PTPRR: variants seen among roughly 807,000 people sequenced by gnomAD.
PTPRR encodes the protein receptor-type tyrosine-protein phosphatase R.
A neutral mutation model predicts 77.2 loss-of-function variants in PTPRR; 38 were observed. The observed-to-expected ratio is 0.49, with a 90% CI of 0.38 to 0.65. PTPRR has a LOEUF of 0.65. Ranked by LOEUF, PTPRR falls within the 30% of genes least tolerant of loss-of-function variation. The pLI, the probability that PTPRR is intolerant of heterozygous loss-of-function variation, is 0.00. For missense variants in PTPRR, 744 were observed against 799.2 expected (o/e 0.93, Z 0.83); for synonymous variants, 299 against 283.1 (o/e 1.06, Z -0.57).
At chr12:70,914,263 C>T (rs562514224) in intron 1 of PTPRR, among the ~76,000 whole-genome samples, 11 of 152,238 alleles carry the variant, frequency 7.2e-5, no homozygotes, top group Middle Eastern at 3.4e-3. Flanking sequence ...AAGACCTCAT[C>T]GCAAAAGACT....
At chr12:70,889,623 C>T (rs995814377) in intron 2 of PTPRR, among the ~76,000 whole-genome samples, 3 of 152,150 alleles carry the variant, frequency 2.0e-5, no homozygotes, top group African/African-American at 7.2e-5. Flanking sequence ...TCTAGGATCT[C>T]AAGGAGAGGA....
intron 2 of PTPRR, among the ~76,000 whole-genome samples, chr12:70,825,208 G>A (rs1401492001): frequency 1.3e-5 from 2 of 152,182 alleles, no homozygotes; most frequent in African/African-American, 4.8e-5. Flanking sequence ...AACCCAGGAG[G>A]TGGAGGTTGC....
chr12:70,807,846 A>T (rs1397541759), intron 2 of PTPRR, among the ~76,000 whole-genome samples: 1 of 152,294 alleles, frequency 6.6e-6, no homozygotes, highest in East Asian at 1.9e-4. Context: ...CTCTGTGATG[A>T]TTGCGTTAAC....
At chr12:70,864,209 G>C (rs1892802169) in intron 2 of PTPRR, among the ~76,000 whole-genome samples, 1 of 152,142 alleles carries the variant, frequency 6.6e-6, no homozygotes, top group Admixed American at 6.5e-5. Flanking sequence ...TCCCTAGCAT[G>C]ACCCATTTGA....
chr12:70,789,142 C>T (rs186793913), intron 2 of PTPRR, among the ~76,000 whole-genome samples: 1 of 151,988 alleles, frequency 6.6e-6, no homozygotes, highest in African/African-American at 2.4e-5. Context: ...ACTTTATGGG[C>T]TGTGGACAAG....
At chr12:70,864,600 T>C (rs1463518949) in intron 2 of PTPRR, among the ~76,000 whole-genome samples, 1 of 152,180 alleles carries the variant, frequency 6.6e-6, no homozygotes, top group South Asian at 2.1e-4. Context: ...TTGTTAATAT[T>C]CCATTATGTG....
At chr12:70,671,465 AAGAC>A (rs1197623983) in intron 10 of PTPRR, among the ~76,000 whole-genome samples, 1 of 152,238 alleles carries the variant, frequency 6.6e-6, no homozygotes, top group African/African-American at 2.4e-5. Context: ...GACATTAAAA[AAGAC>A]AGGAGGCTAA....
chr12:70,686,371 T>C (rs1239086863), intron 8 of PTPRR, among the ~76,000 whole-genome samples: 10 of 152,214 alleles, frequency 6.6e-5, no homozygotes, highest in African/African-American at 2.4e-4. Flanking sequence ...TTTCACTTTA[T>C]ATATAACTGG....
rs549593494 is a variant in PTPRR at position 70,798,072 on chromosome 12, A to G, written c.358-33294T>C. On this transcript the variant is annotated intron_variant, in intron 2 of 13. Transcript: ENST00000283228. ...GATGTCTGAAAGGAATCTCAAATTC[A>G]AGGTGCCCAAAATTGAGATACTGAT... Among the ~76,000 whole-genome samples, 6 of 152,310 alleles carry G rather than the reference A, an allele frequency of 3.9e-5. No individual in the cohort carries two copies. In the South Asian group the frequency reaches 1.2e-3, roughly 32 times the overall value.
rs574652864 is a variant in PTPRR, at chr12:70,645,100, G to A, written c.1881-5823C>T. Among the ~76,000 whole-genome samples the A allele has an allele frequency of 1.6e-3, 249 of 152,278 alleles. 1 individual carries two copies. Among genetic ancestry groups the A allele is most frequent in the African/African-American group, 5.2e-3 (216 of 41,582 alleles). Reference sequence around the variant, plus strand: ...AGAAGCCCAGGGTTCTACAAAGGTGGCTGAGGACCCTGGGCAGGGCAGAGG... The same window carrying A: ...AGAAGCCCAGGGTTCTACAAAGGTGACTGAGGACCCTGGGCAGGGCAGAGG... On this transcript the variant is annotated intron_variant, in intron 13 of 13. Transcript: ENST00000283228.
At position 70,804,460 on chromosome 12, in the gene PTPRR, G is replaced by T. The variant is rs373318190; in HGVS notation, c.358-39682C>A. Among the ~76,000 whole-genome samples the T allele has an allele frequency of 2.3e-3, 343 of 152,156 alleles. No individual in the cohort carries two copies. In the Middle Eastern group the frequency reaches 0.024, roughly 11 times the overall value. ...TGTAGTCCCAGCTACTTGGGAGGCT[G>T]AGGTGGGAGGATCACTTGAGCCTGG... On this transcript the variant is annotated intron_variant, in intron 2 of 13. Coordinates refer to ENST00000283228, the MANE Select transcript of PTPRR (RefSeq NM_002849.4).
At chr12:70,794,091 C>T (rs1891467835) in intron 2 of PTPRR, among the ~76,000 whole-genome samples, 1 of 152,136 alleles carries the variant, frequency 6.6e-6, no homozygotes, top group African/African-American at 2.4e-5. Context: ...AAGATGGTAG[C>T]TAGTTAAGCC....
At chr12:70,879,018 C>A (rs1048186437) in intron 2 of PTPRR, among the ~76,000 whole-genome samples, 1 of 151,994 alleles carries the variant, frequency 6.6e-6, no homozygotes, top group East Asian at 1.9e-4. Flanking sequence ...AACCAAACAC[C>A]ACATGTTCTC....
At chr12:70,796,305 A>G (rs1333986973) in intron 2 of PTPRR, among the ~76,000 whole-genome samples, 3 of 152,172 alleles carry the variant, frequency 2.0e-5, no homozygotes, top group African/African-American at 7.2e-5. Context: ...AAAAGTGAGT[A>G]AAATGAGTTT....
chr12:70,747,677 A>G (rs1890257233), intron 5 of PTPRR, among the ~76,000 whole-genome samples: 1 of 152,192 alleles, frequency 6.6e-6, no homozygotes, highest in South Asian at 2.1e-4. Flanking sequence ...CCAATCAGTC[A>G]TCTGTTTACT....
At chr12:70,670,907 T>C (rs1173534412) in intron 10 of PTPRR, among the ~76,000 whole-genome samples, 1 of 152,252 alleles carries the variant, frequency 6.6e-6, no homozygotes, top group East Asian at 1.9e-4. Context: ...TTTTTTCAGC[T>C]ATGTATATTT....
chr12:70,755,027 T>A (rs1039205622), intron 4 of PTPRR, among the ~76,000 whole-genome samples: 1 of 152,188 alleles, frequency 6.6e-6, no homozygotes, highest in African/African-American at 2.4e-5. Flanking sequence ...AGAAGAAGCA[T>A]GAATAAAGTG....
At chr12:70,885,109 C>T (rs1208802072) in intron 2 of PTPRR, among the ~76,000 whole-genome samples, 1 of 151,948 alleles carries the variant, frequency 6.6e-6, no homozygotes, top group Non-Finnish European at 1.5e-5. Flanking sequence ...AAAATTAGAT[C>T]CTATATTACA....
intron 5 of PTPRR, among the ~76,000 whole-genome samples, chr12:70,753,165 C>T (rs1443575130): frequency 6.6e-6 from 1 of 152,122 alleles, no homozygotes; most frequent in Non-Finnish European, 1.5e-5. Context: ...TAAGACTGTG[C>T]TTGTTTTATA....
Sources: allele counts gnomAD v4.1 joint callset (sites outside exome capture counted in the v4.1 genomes callset), GRCh38; gene constraint gnomAD v4.1.1; transcripts MANE v1.5; gene names NCBI Gene and HGNC (gene_info 2026-07-23, HGNC 2026-07-21).